Variants in LARGE1 observed in about 807,000 individuals in gnomAD.
LARGE1 encodes the protein xylosyl- and glucuronyltransferase LARGE1.
A neutral mutation model predicts 87.6 loss-of-function variants in LARGE1; 43 were observed. The observed-to-expected ratio is 0.49, with a 90% CI of 0.38 to 0.63. LARGE1 has a LOEUF of 0.63. Ranked by LOEUF, LARGE1 falls within the 30% of genes least tolerant of loss-of-function variation. The probability of loss-of-function intolerance (pLI) is 0.00; values close to 1 mark genes in which losing one functional copy is unlikely to be tolerated. For missense variants in LARGE1, 802 were observed against 1,000.2 expected (o/e 0.80, Z 2.67); for synonymous variants, 434 against 394.6 (o/e 1.10, Z -1.18).
intron 11 of LARGE1, among the ~76,000 whole-genome samples, chr22:33,245,490 C>T (rs1016850167): frequency 4.6e-5 from 7 of 152,226 alleles, no homozygotes; most frequent in African/African-American, 1.4e-4. Context: ...CCATTTCTAC[C>T]TCTTGGTAGC....
chr22:33,694,615 A>G (rs1317834404), intron 2 of LARGE1, among the ~76,000 whole-genome samples: 1 of 152,220 alleles, frequency 6.6e-6, no homozygotes, highest in Admixed American at 6.5e-5. Context: ...TTTGGCCACT[A>G]CTATTACCTA....
At chr22:33,600,458 T>C (rs1475982) in intron 5 of LARGE1, among the ~76,000 whole-genome samples, 12,953 of 152,196 alleles carry the variant, frequency 0.085, 684 homozygotes, top group African/African-American at 0.14. Flanking sequence ...TTGAGTTTAC[T>C]GAAGAAATGT....
intron 3 of LARGE1, among the ~76,000 whole-genome samples, chr22:33,648,520 C>G (rs2080690673): frequency 6.6e-6 from 1 of 152,204 alleles, no homozygotes; most frequent in Non-Finnish European, 1.5e-5. Context: ...AAACCAACAC[C>G]ATGGCTGTGA....
At chr22:33,774,255 T>C (rs1390316822) in intron 1 of LARGE1, among the ~76,000 whole-genome samples, 1 of 151,692 alleles carries the variant, frequency 6.6e-6, no homozygotes, top group African/African-American at 2.4e-5. Context: ...ATAGGCTTCC[T>C]TGGATAAGAC....
At chr22:33,339,071 C>G (rs544227300) in intron 9 of LARGE1, among the ~76,000 whole-genome samples, 1 of 151,434 alleles carries the variant, frequency 6.6e-6, no homozygotes, top group South Asian at 2.1e-4. Context: ...TCACCTGAAC[C>G]CAGGAGGTGG....
chr22:33,396,103 G>C, intron 7 of LARGE1, among the ~76,000 whole-genome samples: 1 of 152,218 alleles, frequency 6.6e-6, no homozygotes, highest in East Asian at 1.9e-4. Flanking sequence ...TCCTTCAGTG[G>C]TTTTTGAGGC....
chr22:33,560,393 C>T (rs1029809096), intron 6 of LARGE1, among the ~76,000 whole-genome samples: 3 of 152,092 alleles, frequency 2.0e-5, no homozygotes, highest in Non-Finnish European at 4.4e-5. Flanking sequence ...TGCCCATGTA[C>T]GCTGGATAGT....
intron 1 of LARGE1, among the ~76,000 whole-genome samples, chr22:33,770,084 G>A (rs2085018760): frequency 6.6e-6 from 1 of 152,204 alleles, no homozygotes; most frequent in Admixed American, 6.5e-5. Context: ...GTGTGCAAAT[G>A]TACTTTAAAG....
chr22:33,685,205 G>A (rs573461051), intron 2 of LARGE1, among the ~76,000 whole-genome samples: 22 of 152,282 alleles, frequency 1.4e-4, no homozygotes, highest in African/African-American at 4.8e-4. Context: ...TGGAAACCCT[G>A]GGCACTGGAT....
intron 11 of LARGE1, among the ~76,000 whole-genome samples, chr22:33,226,028 G>A (rs1925716108): frequency 6.6e-6 from 1 of 152,190 alleles, no homozygotes; most frequent in African/African-American, 2.4e-5. Flanking sequence ...ACATTTGCAT[G>A]CATGAGTCTT....
the LARGE1 span, among the ~76,000 whole-genome samples, chr22:33,083,779 C>T: frequency 2.0e-5 from 3 of 152,282 alleles, no homozygotes; most frequent in East Asian, 1.9e-4. Flanking sequence ...CTGCCACTGA[C>T]TCAGTTCAAT....
At chr22:33,259,139 A>C (rs1030950272) in intron 11 of LARGE1, among the ~76,000 whole-genome samples, 2 of 152,132 alleles carry the variant, frequency 1.3e-5, no homozygotes, top group Admixed American at 1.3e-4. Flanking sequence ...TGGCCTCCCA[A>C]AATACTGGGA....
rs114347278 is a variant in LARGE1, at chr22:33,615,081, T to C, written c.492-10523A>G. On this transcript the variant is annotated intron_variant, in intron 4 of 14. Coordinates refer to ENST00000397394, the MANE Select transcript of LARGE1 (RefSeq NM_133642.5). ...CCTTCTTAGTGGCTCCAGCTGAGTCTGTGCTCAAACCTTAGTTCAGATCTT... is the reference window on the plus strand; with the variant it reads ...CCTTCTTAGTGGCTCCAGCTGAGTCCGTGCTCAAACCTTAGTTCAGATCTT... 9.7e-3 allele frequency among the ~76,000 whole-genome samples: 1,477 copies of C among 152,368 alleles called. 22 individuals are homozygous for C. The highest frequency in any genetic ancestry group is 0.034 in the African/African-American group (1,398 of 41,592).
chr22:33,104,945 TTC>T, the LARGE1 span, among the ~76,000 whole-genome samples: 359 of 137,506 alleles, frequency 2.6e-3, 2 homozygotes, highest in East Asian at 7.6e-3. Context: ...CTTTCTTTCT[TTC>T]TCTTTCTCTC....
intron 2 of LARGE1, among the ~76,000 whole-genome samples, chr22:33,707,641 G>C (rs576992879): frequency 1.3e-5 from 2 of 152,220 alleles, no homozygotes; most frequent in Non-Finnish European, 2.9e-5. Context: ...CTTTAGAAAA[G>C]TGTCAATTTG....
chr22:33,263,658 G>A (rs1927768048), intron 11 of LARGE1, among the ~76,000 whole-genome samples: 2 of 152,224 alleles, frequency 1.3e-5, no homozygotes, highest in African/African-American at 2.4e-5. Context: ...CCTGAGCACA[G>A]GTCTGCCATA....
chr22:33,666,315 A>G (rs746464954), intron 2 of LARGE1, among the ~76,000 whole-genome samples: 8 of 152,222 alleles, frequency 5.3e-5, no homozygotes, highest in Non-Finnish European at 7.3e-5. Flanking sequence ...GAGGGCAAGC[A>G]TGGATGCAGA....
chr22:33,125,113 C>T, the LARGE1 span, among the ~76,000 whole-genome samples: 1 of 152,176 alleles, frequency 6.6e-6, no homozygotes, highest in Non-Finnish European at 1.5e-5. Context: ...GGCATCTCCA[C>T]GTGTCGGTAA....
At chr22:33,329,028 G>T (rs1298960605) in intron 10 of LARGE1, among the ~76,000 whole-genome samples, 4 of 152,112 alleles carry the variant, frequency 2.6e-5, no homozygotes, top group Non-Finnish European at 5.9e-5. Context: ...GAGGCAAGCA[G>T]AGAAAGGTCT....
Sources: gnomAD v4.1 joint callset for allele counts (sites outside exome capture counted in the v4.1 genomes callset) on GRCh38, gnomAD v4.1.1 for gene constraint, MANE v1.5 for transcripts, NCBI Gene and HGNC (gene_info 2026-07-23, HGNC 2026-07-21) for gene names.